WDPCP: variants seen among roughly 807,000 people sequenced by gnomAD.
WDPCP encodes WD repeat-containing and planar cell polarity effector protein fritz homolog.
WDPCP carries 71 observed loss-of-function variants against 93.1 expected under a neutral mutation model. The ratio of observed to expected loss-of-function variants is 0.76; its 90% CI spans 0.63 to 0.93. The LOEUF is 0.93. WDPCP is among the 40% of genes least tolerant of loss of function. WDPCP has a pLI of 0.00. For synonymous variants in WDPCP, 315 were observed against 315.0 expected (o/e 1.00, Z 0.00); for missense variants, 844 against 887.4 (o/e 0.95, Z 0.62).
intron 17 of WDPCP, among the ~76,000 whole-genome samples, chr2:63,150,480 A>C (rs1419098342): frequency 6.6e-6 from 1 of 152,176 alleles, no homozygotes; most frequent in African/African-American, 2.4e-5. Flanking sequence ...CCAAAATGTC[A>C]ATAGCGCTAA....
intron 13 of WDPCP, among the ~76,000 whole-genome samples, chr2:63,281,409 A>G (rs1477312023): frequency 6.6e-6 from 1 of 152,228 alleles, no homozygotes; most frequent in Non-Finnish European, 1.5e-5. Context: ...ACCACTGTGG[A>G]AAACAGTGTG....
intron 14 of WDPCP, among the ~76,000 whole-genome samples, chr2:63,259,015 C>G (rs549043692): frequency 6.6e-6 from 1 of 152,124 alleles, no homozygotes; most frequent in Admixed American, 6.5e-5. Context: ...AGTAACAGCA[C>G]TATGATAATA....
chr2:63,811,595 CTTT>C (rs34856738), intron 2 of WDPCP, among the ~76,000 whole-genome samples: 23 of 136,000 alleles, frequency 1.7e-4, no homozygotes, highest in Admixed American at 3.0e-4. Context: ...CCTGTCCACA[CTTT>C]TTTTTTTTTT....
chr2:63,839,264 T>C, the WDPCP span, among the ~76,000 whole-genome samples: 1 of 152,212 alleles, frequency 6.6e-6, no homozygotes. Context: ...ATAAACCTTG[T>C]ATAATTAAAA....
intron 1 of WDPCP, among the ~76,000 whole-genome samples, chr2:63,559,871 T>C (rs1044923969): frequency 6.6e-6 from 1 of 152,180 alleles, no homozygotes; most frequent in African/African-American, 2.4e-5. Context: ...AAGTAATTTA[T>C]AGATTCAATG....
intron 2 of WDPCP, among the ~76,000 whole-genome samples, chr2:63,807,282 C>T (rs915909470): frequency 3.3e-5 from 5 of 152,196 alleles, no homozygotes. Context: ...AAGAGGGGAT[C>T]CCTCATGAAT....
chr2:63,662,401 A>G (rs2106634962), intron 2 of WDPCP, among the ~76,000 whole-genome samples: 1 of 152,332 alleles, frequency 6.6e-6, no homozygotes, highest in African/African-American at 2.4e-5. Context: ...GTATGCATAC[A>G]CACACATAAA....
chr2:63,623,019 G>A lies in WDPCP; in HGVS notation n.488+27640C>T, dbSNP rs375566223. Among the ~76,000 whole-genome samples, 9 of 152,302 alleles carry A rather than the reference G, an allele frequency of 5.9e-5. 1 individual carries two copies. Among genetic ancestry groups the A allele is most frequent in the Middle Eastern group, 6.8e-3 (2 of 294 alleles). ...AGTTGTCCGACCGCGCGCCACTTCC[G>A]GCGCAGCCCCGCTCAACATTCTTAA... On this transcript the variant is annotated intron_variant and non_coding_transcript_variant, in intron 3 of 4. Transcript: ENST00000467687.
intron 12 of WDPCP, among the ~76,000 whole-genome samples, chr2:63,360,427 A>G (rs546873963): frequency 6.6e-6 from 1 of 152,220 alleles, no homozygotes; most frequent in African/African-American, 2.4e-5. Context: ...TTTTTTTTCA[A>G]TTCTCTAGAT....
chr2:63,373,033 G>T (rs535082747), intron 12 of WDPCP, among the ~76,000 whole-genome samples: 1 of 152,174 alleles, frequency 6.6e-6, no homozygotes, highest in African/African-American at 2.4e-5. Context: ...TGAGGCAGGA[G>T]AATCGCTTGA....
At chr2:63,159,098 G>A (rs1672474653) in intron 15 of WDPCP, among the ~76,000 whole-genome samples, 3 of 151,076 alleles carry the variant, frequency 2.0e-5, no homozygotes, top group Non-Finnish European at 4.4e-5. Flanking sequence ...TAAGGCTGCA[G>A]TGAGCTGTGA....
In WDPCP at chr2:63,183,632, T is replaced by A. The variant is rs145249208; in HGVS notation, c.1916-8800A>T. Among the ~76,000 whole-genome samples the A allele has an allele frequency of 2.0e-3, 301 of 152,240 alleles. 2 individuals are homozygous for A. Among genetic ancestry groups the A allele is most frequent in the African/African-American group, 6.6e-3 (273 of 41,558 alleles). ...TGTTGGGTAGAGTGTTCTGTAAATG[T>A]CTGTCAGGTACATTTGGTCTCAAGA... is the stretch of plus-strand genomic sequence containing the variant. On this transcript the variant is annotated intron_variant, in intron 14 of 17. Transcript: ENST00000272321.
At chr2:63,565,293 T>G (rs1443232363) in intron 1 of WDPCP, among the ~76,000 whole-genome samples, 1 of 152,224 alleles carries the variant, frequency 6.6e-6, no homozygotes, top group African/African-American at 2.4e-5. Flanking sequence ...TATGAATTTG[T>G]TATGAATACA....
chr2:63,379,148 A>G (rs1000211805), intron 11 of WDPCP, among the ~76,000 whole-genome samples: 1 of 152,054 alleles, frequency 6.6e-6, no homozygotes, highest in African/African-American at 2.4e-5. Flanking sequence ...ACTGGGGGAA[A>G]GGGCACATTT....
Position 63,308,860 on chromosome 2 carries a change from C to T in WDPCP, c.1812+4388G>A, listed in dbSNP as rs141705239. The stretch of plus-strand genomic sequence containing the variant: ...ACCTATGTGACAAACCTGCATGTTC[C>T]GCACATGTGTCCAAGAACCTAAAGT... On this transcript the variant is annotated intron_variant, in intron 13 of 17. Transcript: ENST00000272321. Among the ~76,000 whole-genome samples the T allele has an allele frequency of 1.4e-3, 220 of 152,010 alleles. No individual in the cohort carries two copies. In the Middle Eastern group the frequency reaches 0.017, roughly 12 times the overall value.
chr2:63,263,408 T>G (rs988252256), intron 13 of WDPCP, among the ~76,000 whole-genome samples: 1 of 152,144 alleles, frequency 6.6e-6, no homozygotes, highest in Non-Finnish European at 1.5e-5. Context: ...AGGAGTGGGT[T>G]AGTTATCAAA....
At chr2:63,328,822 G>A (rs545827277) in intron 12 of WDPCP, among the ~76,000 whole-genome samples, 73 of 152,152 alleles carry the variant, frequency 4.8e-4, no homozygotes, top group Non-Finnish European at 9.6e-4. Context: ...AAACTCCTGG[G>A]CTCAGGTGAT....
chr2:63,658,475 A>C (rs1209875754), intron 2 of WDPCP, among the ~76,000 whole-genome samples: 1 of 152,220 alleles, frequency 6.6e-6, no homozygotes, highest in Non-Finnish European at 1.5e-5. Context: ...AGTTAGTAAA[A>C]ATAGCTGTAT....
chr2:63,286,234 T>C (rs1683991897), intron 13 of WDPCP, among the ~76,000 whole-genome samples: 2 of 152,138 alleles, frequency 1.3e-5, no homozygotes, highest in South Asian at 4.1e-4. Flanking sequence ...AGCTAAGCCA[T>C]CATATCCCCT....
Sources: gnomAD v4.1 joint callset for allele counts (sites outside exome capture counted in the v4.1 genomes callset) on GRCh38, gnomAD v4.1.1 for gene constraint, MANE v1.5 for transcripts, NCBI Gene and HGNC (gene_info 2026-07-23, HGNC 2026-07-21) for gene names.